The following LRCH1 variants were observed in gnomAD, a reference collection of about 807,000 sequenced individuals.
The protein encoded by LRCH1 is leucine-rich repeat and calponin homology domain-containing protein 1.
LRCH1 carries 23 observed loss-of-function variants against 94.9 expected under a neutral mutation model. The ratio of observed to expected loss-of-function variants is 0.24; its 90% CI spans 0.17 to 0.34. The LOEUF is 0.34. Ranked by LOEUF, LRCH1 falls within the 10% of genes least tolerant of loss-of-function variation. The pLI, the probability that LRCH1 is intolerant of heterozygous loss-of-function variation, is 1.00. For synonymous variants in LRCH1, 364 were observed against 354.9 expected (o/e 1.03, Z -0.29); for missense variants, 790 against 945.9 (o/e 0.84, Z 2.16).
intron 9 of LRCH1, among the ~76,000 whole-genome samples, chr13:46,698,530 A>C (rs530500383): frequency 6.6e-6 from 1 of 152,312 alleles, no homozygotes; most frequent in East Asian, 1.9e-4. Flanking sequence ...TGCAATCAGA[A>C]GCACTTTTCT....
rs55823488 is a variant in LRCH1, at chr13:46,657,692, A to ATT, written c.452+7362_452+7363dup. On this transcript the variant is annotated intron_variant, in intron 2 of 19. Transcript: ENST00000389797. ...AGACGTGCGCCACCATGCCCAGCTA[A>ATT]TTTTTTTTTTTTTTTTGGTAGAGAT... is the stretch of plus-strand genomic sequence containing the variant. Among the ~76,000 whole-genome samples the ATT allele has an allele frequency of 1.5e-4, 7 of 46,918 alleles. 1 individual carries two copies. The highest frequency in any genetic ancestry group is 9.3e-4 in the South Asian group (1 of 1,080). 30.8% of individuals were successfully genotyped at this position (46,918 alleles called of 152,430 possible).
intron 1 of LRCH1, among the ~76,000 whole-genome samples, chr13:46,627,621 T>C (rs1167765330): frequency 6.6e-6 from 1 of 152,142 alleles, no homozygotes. Flanking sequence ...CTGGTCCACC[T>C]ACCTTAGTGC....
At chr13:46,592,487 G>A (rs1211574213) in intron 1 of LRCH1, among the ~76,000 whole-genome samples, 2 of 152,188 alleles carry the variant, frequency 1.3e-5, no homozygotes. Flanking sequence ...GTCCTTTAAA[G>A]AAAACAAGGT....
intron 1 of LRCH1, among the ~76,000 whole-genome samples, chr13:46,565,740 G>A (rs2137908852): frequency 6.6e-6 from 1 of 151,700 alleles, no homozygotes; most frequent in East Asian, 1.9e-4. Flanking sequence ...GAACTGGGAG[G>A]CGGAGGTTGC....
intron 11 of LRCH1, among the ~76,000 whole-genome samples, chr13:46,703,378 GT>G (rs1871587942): frequency 6.6e-6 from 1 of 152,188 alleles, no homozygotes; most frequent in Non-Finnish European, 1.5e-5. Flanking sequence ...ATAAGAGGGG[GT>G]GACAAGTACC....
At chr13:46,571,822 G>T (rs114820437) in intron 1 of LRCH1, among the ~76,000 whole-genome samples, 1 of 151,894 alleles carries the variant, frequency 6.6e-6, no homozygotes, top group Non-Finnish European at 1.5e-5. Flanking sequence ...CACTTATGGG[G>T]TTGCTGTGAT....
intron 1 of LRCH1, among the ~76,000 whole-genome samples, chr13:46,605,372 C>G (rs937639516): frequency 2.6e-5 from 4 of 152,180 alleles, no homozygotes; most frequent in Admixed American, 1.3e-4. Context: ...TTTACAGAAG[C>G]CTTGTGCCTT....
chr13:46,574,599 A>G (rs1340477500), intron 1 of LRCH1, among the ~76,000 whole-genome samples: 1 of 152,170 alleles, frequency 6.6e-6, no homozygotes, highest in African/African-American at 2.4e-5. Flanking sequence ...ACTTAAAATA[A>G]TTATTTGTAG....
At chr13:46,652,399 T>TTG (rs1244244624) in intron 2 of LRCH1, among the ~76,000 whole-genome samples, 1 of 151,294 alleles carries the variant, frequency 6.6e-6, no homozygotes. Flanking sequence ...TTTTTTGTTT[T>TTG]TTTTTTTGTC....
chr13:46,751,108 T>G (rs2138265473), exon 19 of LRCH1: 1 of 152,364 alleles, frequency 6.6e-6, no homozygotes, highest in East Asian at 1.9e-4. Context: ...TTTAAAAAAC[T>G]ATTTTCGACA....
intron 1 of LRCH1, among the ~76,000 whole-genome samples, chr13:46,597,837 A>G (rs1284451607): frequency 3.3e-5 from 5 of 152,158 alleles, no homozygotes; most frequent in Admixed American, 3.3e-4. Flanking sequence ...ACACACATAA[A>G]ATGACGTTAT....
intron 8 of LRCH1, among the ~76,000 whole-genome samples, chr13:46,693,711 C>T (rs916028142): frequency 3.9e-5 from 6 of 152,290 alleles, no homozygotes; most frequent in Non-Finnish European, 7.4e-5. Flanking sequence ...CCTTGTAATA[C>T]GTTTCATATC....
Position 46,741,880 on chromosome 13 carries a change from G to A in LRCH1, c.*32G>A. 6.2e-7 allele frequency: 1 copy of A among 1,612,438 alleles called. No homozygotes were observed. Among genetic ancestry groups the A allele is most frequent in the Admixed American group, 1.7e-5 (1 of 60,024 alleles). ...CACGTGCATCCAAACGCTGTGCTCTGTCGCCCTCAACCTTTGCAGGGTCCT... is the reference window on the plus strand; with the variant it reads ...CACGTGCATCCAAACGCTGTGCTCTATCGCCCTCAACCTTTGCAGGGTCCT... On this transcript the variant is annotated 3_prime_UTR_variant, in exon 20 of 20. Transcript: ENST00000389797.
At chr13:46,681,149 G>GT (rs2051745170) in intron 3 of LRCH1, among the ~76,000 whole-genome samples, 1 of 152,206 alleles carries the variant, frequency 6.6e-6, no homozygotes, top group Non-Finnish European at 1.5e-5. Context: ...GTATGGCAAG[G>GT]TGGTCAGCTG....
intron 1 of LRCH1, among the ~76,000 whole-genome samples, chr13:46,643,540 A>G (rs1028170152): frequency 8.5e-5 from 13 of 152,208 alleles, no homozygotes; most frequent in Non-Finnish European, 1.9e-4. Flanking sequence ...CACTGTTTGT[A>G]AAGGGATTAT....
chr13:46,611,657 G>A (rs942973208), intron 1 of LRCH1, among the ~76,000 whole-genome samples: 2 of 152,064 alleles, frequency 1.3e-5, no homozygotes, highest in Non-Finnish European at 2.9e-5. Flanking sequence ...TGCTGTGAGT[G>A]TAAAATACAT....
intron 4 of LRCH1, among the ~76,000 whole-genome samples, chr13:46,685,149 C>G (rs906655307): frequency 1.3e-5 from 2 of 152,310 alleles, no homozygotes; most frequent in African/African-American, 4.8e-5. Context: ...CAGTGGCTTG[C>G]CTGCATCACC....
At chr13:46,666,548 G>T (rs772043944) in intron 2 of LRCH1, among the ~76,000 whole-genome samples, 1 of 152,178 alleles carries the variant, frequency 6.6e-6, no homozygotes, top group Non-Finnish European at 1.5e-5. Flanking sequence ...TGTTAACTCT[G>T]CTAAAAATAG....
At chr13:46,614,415 C>T (rs1258968759) in intron 1 of LRCH1, among the ~76,000 whole-genome samples, 2 of 151,958 alleles carry the variant, frequency 1.3e-5, no homozygotes, top group Non-Finnish European at 2.9e-5. Context: ...AGAGAGGATA[C>T]AAAATCATGA....
Sources: allele counts gnomAD v4.1 joint callset (sites outside exome capture counted in the v4.1 genomes callset), GRCh38; gene constraint gnomAD v4.1.1; transcripts MANE v1.5; gene names NCBI Gene and HGNC (gene_info 2026-07-23, HGNC 2026-07-21).